CCDC88A: variants seen among roughly 807,000 people sequenced by gnomAD.
CCDC88A encodes the protein girdin.
Under a neutral mutation model 234.3 loss-of-function variants are expected in CCDC88A, and 54 were observed. The observed-to-expected ratio is 0.23, with a 90% CI of 0.19 to 0.29. The LOEUF (loss-of-function observed/expected upper bound fraction) is 0.29. CCDC88A is among the 10% of genes least tolerant of loss of function. The pLI is 1.00. For synonymous variants in CCDC88A, 753 were observed against 737.8 expected, an observed-to-expected ratio of 1.02 and a Z score of -0.33; for missense variants, 1,832 against 2,123.4, an observed-to-expected ratio of 0.86 and a Z score of 2.70.
At chr2:55,377,293 G>A (rs1258708170) in intron 3 of CCDC88A, among the ~76,000 whole-genome samples, 1 of 150,342 alleles carries the variant, frequency 6.7e-6, no homozygotes, top group Non-Finnish European at 1.5e-5. Context: ...GATCTCCCAG[G>A]CTCAAGCAAT....
intron 32 of CCDC88A, 55 bp downstream of exon 32, chr2:55,291,621 G>T: frequency 1.4e-6 from 1 of 729,548 alleles, no homozygotes; most frequent in Non-Finnish European, 2.3e-6. Flanking sequence ...CACTTAATTT[G>T]GTTAGTTTGT....
intron 27 of CCDC88A, 80 bp from the exon 28 acceptor site, chr2:55,301,357 G>A: frequency 1.4e-6 from 1 of 734,598 alleles, no homozygotes; most frequent in Non-Finnish European, 2.2e-6. Flanking sequence ...ATAGAATATG[G>A]AAATTGTTTT....
At chr2:55,322,232 A>G (rs945594899) in intron 18 of CCDC88A, among the ~76,000 whole-genome samples, 1 of 152,206 alleles carries the variant, frequency 6.6e-6, no homozygotes, top group Non-Finnish European at 1.5e-5. Flanking sequence ...ACAATAGTGA[A>G]TAGTTTAAGT....
chr2:55,356,368 A>G (rs934791610), intron 7 of CCDC88A: 2 of 152,000 alleles, frequency 1.3e-5, no homozygotes, highest in African/African-American at 4.8e-5. Flanking sequence ...CATGGTTTAT[A>G]TGTAACACAG....
At chr2:55,327,050 G>C (rs767078454) in intron 17 of CCDC88A, among the ~76,000 whole-genome samples, 32 of 151,910 alleles carry the variant, frequency 2.1e-4, no homozygotes, top group Non-Finnish European at 3.4e-4. Flanking sequence ...GTTTTGTTTT[G>C]TTTTGTTCTT....
intron 8 of CCDC88A, among the ~76,000 whole-genome samples, chr2:55,352,571 A>G (rs897605087): frequency 6.6e-6 from 1 of 152,214 alleles, no homozygotes. Flanking sequence ...TTATATCTCA[A>G]TAAGTCTTTT....
At chr2:55,382,400 T>A (rs1488149965) in intron 3 of CCDC88A, among the ~76,000 whole-genome samples, 2 of 152,156 alleles carry the variant, frequency 1.3e-5, no homozygotes, top group African/African-American at 4.8e-5. Flanking sequence ...CCTCAAATGG[T>A]TCAGAGCATT....
At chr2:55,372,541 T>A (rs765330972) in intron 4 of CCDC88A, 31 bp from the exon 5 acceptor site, 15 of 1,028,322 alleles carry the variant, frequency 1.5e-5, no homozygotes, top group Admixed American at 2.0e-5. Context: ...AAGGACAACA[T>A]TCTGCTATAT....
At chr2:55,347,062 GAA>G (rs1669212000) in intron 9 of CCDC88A, among the ~76,000 whole-genome samples, 1 of 152,080 alleles carries the variant, frequency 6.6e-6, no homozygotes, top group Non-Finnish European at 1.5e-5. Flanking sequence ...TAAAAATACA[GAA>G]AAGGCAAACA....
At position 55,355,654 on chromosome 2, in the gene CCDC88A, C is replaced by A. The variant is rs756015944; in HGVS notation, c.725G>T (p.Arg242Leu). The change falls in exon 8 of 33, where the codon CGA becomes CTA. Residue 242 changes from arginine (R) to leucine (L), a missense_variant. Arg to Leu is a moderately radical substitution (Grantham distance 102). Transcript: ENST00000436346. ...CGACAGATGTTGTCGACTTTCTGTTCGCTTCATGCCTGGAGAACCACAGGG... is the reference window on the plus strand; with the variant it reads ...CGACAGATGTTGTCGACTTTCTGTTAGCTTCATGCCTGGAGAACCACAGGG... ...QSPCGSPGMK[R>L]TESRQHLSVE... The A allele has an allele frequency of 6.2e-7, 1 of 1,614,030 alleles. No individual in the cohort carries two copies. The highest frequency in any genetic ancestry group is 1.1e-5 in the South Asian group (1 of 91,068).
At chr2:55,298,066 T>C (rs1246767285) in intron 29 of CCDC88A, among the ~76,000 whole-genome samples, 1 of 152,226 alleles carries the variant, frequency 6.6e-6, no homozygotes, top group African/African-American at 2.4e-5. Flanking sequence ...TAAGCAACTA[T>C]ATAAAATGAA....
At chr2:55,370,917 T>C (rs2864831) in intron 5 of CCDC88A, among the ~76,000 whole-genome samples, 21,275 of 150,410 alleles carry the variant, frequency 0.14, 1,940 homozygotes, top group East Asian at 0.31. Flanking sequence ...GAGCCTGAAA[T>C]GGGAAGATCA....
intron 7 of CCDC88A, among the ~76,000 whole-genome samples, chr2:55,357,148 A>C (rs1670684873): frequency 6.6e-6 from 1 of 152,158 alleles, no homozygotes; most frequent in Non-Finnish European, 1.5e-5. Flanking sequence ...GCAGTAAGTA[A>C]CTGAGGCACA....
At chr2:55,296,851 G>C (rs1680089805) in intron 29 of CCDC88A, 1 of 199,866 alleles carries the variant, frequency 5.0e-6, no homozygotes, top group Non-Finnish European at 1.0e-5. Flanking sequence ...ATAAATAAGT[G>C]AATAATATAT....
In CCDC88A at chr2:55,316,156, T is replaced by C. The variant is rs779502516; in HGVS notation, c.3747-42A>G. 4.9e-6 allele frequency: 4 copies of C among 823,402 alleles called. No homozygotes were observed. In the South Asian group the frequency reaches 9.5e-5, roughly 20 times the overall value. The allele number at this position is 823,402 out of a possible 1,614,324, so 51.0% of individuals were successfully genotyped here. On this transcript the variant is annotated intron_variant, in intron 21 of 32. Transcript: ENST00000436346. Reference sequence around the variant, plus strand: ...TAGAAATATAATTAGATTATCTTAATAGCTTTTGGTGTAATTTATACAATA... The same window carrying C: ...TAGAAATATAATTAGATTATCTTAACAGCTTTTGGTGTAATTTATACAATA...
At position 55,401,650 on chromosome 2, in the gene CCDC88A, C is replaced by G. The variant is rs532702466; in HGVS notation, c.165-12764G>C. On this transcript the variant is annotated intron_variant, in intron 2 of 32. Coordinates refer to ENST00000436346, the MANE Select transcript of CCDC88A (RefSeq NM_001365480.1). ...CTTTTACCTATCTACAGAATATTTT[C>G]ACATATATTAACTATCTTGAACTTC... 2.7e-5 allele frequency among the ~76,000 whole-genome samples: 4 copies of G among 150,826 alleles called. No individual in the cohort carries two copies. In the East Asian group the frequency reaches 7.7e-4, roughly 29 times the overall value.
intron 17 of CCDC88A, among the ~76,000 whole-genome samples, chr2:55,326,529 A>G (rs6729144): frequency 0.071 from 10,805 of 152,286 alleles, 1,220 homozygotes; most frequent in African/African-American, 0.24. Context: ...AAGCTAGTCC[A>G]TAACAGTTAT....
rs1574204167 is a variant in CCDC88A at position 55,345,014 on chromosome 2, A to T, written c.1042-500T>A. Among the ~76,000 whole-genome samples the T allele has an allele frequency of 2.6e-5, 4 of 152,316 alleles. No individual in the cohort carries two copies. The South Asian group carries it at 8.3e-4, about 32-fold the overall frequency. ...AAATATTTTATATAAATACACCTTG[A>T]GGAAATCCTTAAAAGTCCCTGCATA... is the stretch of plus-strand genomic sequence containing the variant. On this transcript the variant is annotated intron_variant, in intron 10 of 32. Transcript: ENST00000436346.
intron 2 of CCDC88A, among the ~76,000 whole-genome samples, chr2:55,390,704 G>T (rs2104900950): frequency 6.6e-6 from 1 of 152,278 alleles, no homozygotes; most frequent in South Asian, 2.1e-4. Flanking sequence ...CAGAAAAATG[G>T]GTAGCCCAAG....
Sources: allele counts gnomAD v4.1 joint callset (sites outside exome capture counted in the v4.1 genomes callset), GRCh38; gene constraint gnomAD v4.1.1; transcripts MANE v1.5; gene names NCBI Gene and HGNC (gene_info 2026-07-23, HGNC 2026-07-21).